LHPP: variants seen among roughly 807,000 people sequenced by gnomAD.
LHPP encodes the protein phospholysine phosphohistidine inorganic pyrophosphate phosphatase, also known as hLHPP.
Under a neutral mutation model 30.3 loss-of-function variants are expected in LHPP, and 24 were observed. That is an observed-to-expected ratio of 0.79 (90% CI 0.57 to 1.11). The LOEUF is 1.11. LHPP is among the 50% of genes most tolerant of loss of function. LHPP has a pLI of 0.00. For missense variants in LHPP, 356 were observed against 367.2 expected (o/e 0.97, Z 0.25); for synonymous variants, 150 against 157.1 (o/e 0.95, Z 0.34).
chr10:124,490,962 A>G (rs1953505256), intron 3 of LHPP, among the ~76,000 whole-genome samples: 1 of 151,264 alleles, frequency 6.6e-6, no homozygotes, highest in South Asian at 2.1e-4. Flanking sequence ...CTGGAATCAC[A>G]GGGTTCTGCA....
At chr10:124,602,812 A>G (rs549646026) in intron 6 of LHPP, among the ~76,000 whole-genome samples, 1 of 152,298 alleles carries the variant, frequency 6.6e-6, no homozygotes, top group Admixed American at 6.5e-5. Flanking sequence ...TGGGGGCCAG[A>G]CCACCAGGAG....
At chr10:124,465,422 TA>T (rs1180721451) in intron 1 of LHPP, among the ~76,000 whole-genome samples, 2 of 152,128 alleles carry the variant, frequency 1.3e-5, no homozygotes, top group Non-Finnish European at 2.9e-5. Context: ...AATACAAATG[TA>T]AAAAGTGAGA....
chr10:124,603,508 T>TGAGGGACCCAGAGAGGC (rs1268846489), intron 6 of LHPP, among the ~76,000 whole-genome samples: 2 of 150,294 alleles, frequency 1.3e-5, no homozygotes, highest in Non-Finnish European at 3.0e-5. Flanking sequence ...GCCAGAGAGG[T>TGAGGGACCCAGAGAGGC]GAGGGACCCA....
At chr10:124,555,852 TTGTACA>T (rs1365559192) in intron 6 of LHPP, among the ~76,000 whole-genome samples, 7 of 152,326 alleles carry the variant, frequency 4.6e-5, no homozygotes, top group Admixed American at 2.6e-4. Context: ...CCCGAGCTGT[TTGTACA>T]TGTTACCTTG....
intron 5 of LHPP, among the ~76,000 whole-genome samples, chr10:124,507,642 T>G (rs1333065116): frequency 8.8e-5 from 3 of 34,256 alleles, no homozygotes; most frequent in Non-Finnish European, 1.4e-4. Flanking sequence ...TAGACAGGAT[T>G]TCAGGTGGGG....
intron 1 of LHPP, among the ~76,000 whole-genome samples, chr10:124,476,329 T>C (rs1318166930): frequency 6.6e-6 from 1 of 152,182 alleles, no homozygotes; most frequent in Non-Finnish European, 1.5e-5. Flanking sequence ...GCCGGTCAGC[T>C]GGAAGGAGGA....
chr10:124,574,163 G>C (rs1294068160), intron 6 of LHPP, among the ~76,000 whole-genome samples: 1 of 152,164 alleles, frequency 6.6e-6, no homozygotes, highest in Non-Finnish European at 1.5e-5. Flanking sequence ...AAGACAAGCA[G>C]ATGAGACCCG....
At chr10:124,464,832 C>T (rs1476886261) in intron 1 of LHPP, among the ~76,000 whole-genome samples, 1 of 152,114 alleles carries the variant, frequency 6.6e-6, no homozygotes, top group Non-Finnish European at 1.5e-5. Context: ...GGTTCCACTT[C>T]TGAGAATTTG....
intron 6 of LHPP, among the ~76,000 whole-genome samples, chr10:124,568,160 C>A (rs1948522858): frequency 6.6e-6 from 1 of 152,140 alleles, no homozygotes; most frequent in African/African-American, 2.4e-5. Context: ...GTGATCCGCC[C>A]GCCTCAGCCT....
chr10:124,488,297 T>C (rs1361553483), intron 2 of LHPP, 125 bp from the exon 3 acceptor site: 3 of 839,628 alleles, frequency 3.6e-6, no homozygotes, highest in Non-Finnish European at 3.9e-6. Flanking sequence ...GCAGCTGTGA[T>C]GATCAGAAAG....
chr10:124,471,256 G>A (rs1193766451), intron 1 of LHPP, among the ~76,000 whole-genome samples: 1 of 150,732 alleles, frequency 6.6e-6, no homozygotes, highest in Non-Finnish European at 1.5e-5. Context: ...ATTGCCCAAG[G>A]CATGTGTTTG....
At chr10:124,612,987 G>A (rs1003395178) in intron 6 of LHPP, 3 of 512,438 alleles carry the variant, frequency 5.9e-6, no homozygotes, top group Non-Finnish European at 1.1e-5. Context: ...AGGGAGCTGG[G>A]CCGGCTGTCA....
intron 6 of LHPP, among the ~76,000 whole-genome samples, chr10:124,524,145 T>C: frequency 6.6e-6 from 1 of 152,190 alleles, no homozygotes; most frequent in South Asian, 2.1e-4. Flanking sequence ...ACCACAATTT[T>C]ATAACATTTC....
intron 6 of LHPP, among the ~76,000 whole-genome samples, chr10:124,530,087 C>A (rs942156352): frequency 9.2e-5 from 14 of 152,096 alleles, no homozygotes; most frequent in Non-Finnish European, 1.9e-4. Context: ...CACCCCAATG[C>A]GGGGAGGGAG....
At chr10:124,566,911 G>A (rs1045880729) in intron 6 of LHPP, among the ~76,000 whole-genome samples, 2 of 152,172 alleles carry the variant, frequency 1.3e-5, no homozygotes, top group African/African-American at 4.8e-5. Context: ...CTGTGAGCAG[G>A]GGTGCAGAAG....
At chr10:124,606,254 G>C (rs1949091212) in intron 6 of LHPP, among the ~76,000 whole-genome samples, 1 of 133,724 alleles carries the variant, frequency 7.5e-6, no homozygotes, top group Non-Finnish European at 1.6e-5. Flanking sequence ...CCCAGCAAAG[G>C]CCTGGTGTCT....
chr10:124,509,286 C>T (rs934251454), intron 5 of LHPP, among the ~76,000 whole-genome samples: 1 of 152,236 alleles, frequency 6.6e-6, no homozygotes, highest in African/African-American at 2.4e-5. Flanking sequence ...TACTATTCCA[C>T]TGTTCAGACT....
intron 5 of LHPP, among the ~76,000 whole-genome samples, chr10:124,513,072 T>C (rs1256145507): frequency 6.7e-6 from 1 of 148,220 alleles, no homozygotes; most frequent in African/African-American, 2.5e-5. Context: ...AGAAGACATG[T>C]AGTTTGTTTG....
At chr10:124,499,540 CA>C (rs1251911343) in intron 5 of LHPP, among the ~76,000 whole-genome samples, 1 of 151,934 alleles carries the variant, frequency 6.6e-6, no homozygotes, top group African/African-American at 2.4e-5. Flanking sequence ...CTGGTAATCC[CA>C]GCTACTTGGG....
Sources: gnomAD v4.1 joint callset for allele counts (sites outside exome capture counted in the v4.1 genomes callset) on GRCh38, gnomAD v4.1.1 for gene constraint, MANE v1.5 for transcripts, NCBI Gene and HGNC (gene_info 2026-07-23, HGNC 2026-07-21) for gene names.